Variants in RELN observed in about 807,000 individuals in gnomAD.
RELN encodes reelin.
A neutral mutation model predicts 427.6 loss-of-function variants in RELN; 108 were observed. The observed-to-expected ratio is 0.25, with a 90% CI of 0.22 to 0.30. RELN has a LOEUF of 0.30. Ranked by LOEUF, RELN falls within the 10% of genes least tolerant of loss-of-function variation. RELN has a pLI of 1.00. For missense variants in RELN, 3,715 were observed against 4,302.8 expected, an observed-to-expected ratio of 0.86 and a Z score of 3.82; for synonymous variants, 1,524 against 1,513.4, an observed-to-expected ratio of 1.01 and a Z score of -0.16.
chr7:103,878,125 G>C (rs769728789), intron 2 of RELN, among the ~76,000 whole-genome samples: 8 of 152,044 alleles, frequency 5.3e-5, no homozygotes, highest in Non-Finnish European at 7.4e-5. Flanking sequence ...CCAAAGTGCT[G>C]GGATTACAGG....
At chr7:103,636,131 T>G in intron 18 of RELN, 104 bp downstream of exon 18, 2 of 841,436 alleles carry the variant, frequency 2.4e-6, no homozygotes, top group Non-Finnish European at 4.0e-6. Context: ...TAGTTAAAAA[T>G]GAGATGTCTA....
At chr7:103,682,372 A>G in intron 10 of RELN, 111 bp from the exon 11 acceptor site, 3 of 1,078,028 alleles carry the variant, frequency 2.8e-6, no homozygotes, top group Non-Finnish European at 4.2e-6. Context: ...TAGCTCCTCT[A>G]TGATGGACTC....
Position 103,739,093 on chromosome 7 carries a change from T to C in RELN, c.656+10333A>G, listed in dbSNP as rs527825224. On this transcript the variant is annotated intron_variant, in intron 6 of 64. Coordinates refer to ENST00000428762, the MANE Select transcript of RELN (RefSeq NM_005045.4). The stretch of plus-strand genomic sequence containing the variant: ...TTAATAGTATTCAATTGTGTGCACA[T>C]ATCACTGTGGTGTATCCATCCTCCT... Among the ~76,000 whole-genome samples, 3 of 152,306 alleles carry C rather than the reference T, an allele frequency of 2.0e-5. No individual in the cohort carries two copies. In the East Asian group the frequency reaches 5.8e-4, roughly 29 times the overall value.
At position 103,959,040 on chromosome 7, in the gene RELN, C is replaced by A. The variant is rs1796493971; in HGVS notation, c.226+30091G>T. ...CACTGGAACCTCTGCCTTCCAGGTT[C>A]AAGGCGATTCTCCTGCCTCAGCCTC... is the stretch of plus-strand genomic sequence containing the variant. On this transcript the variant is annotated intron_variant, in intron 1 of 64. Transcript: ENST00000428762. 1.3e-5 allele frequency among the ~76,000 whole-genome samples: 2 copies of A among 152,178 alleles called. 1 individual carries two copies. The highest frequency in any genetic ancestry group is 4.1e-4 in the South Asian group (2 of 4,830).
At chr7:103,964,072 T>A (rs1419718209) in intron 1 of RELN, among the ~76,000 whole-genome samples, 3 of 152,020 alleles carry the variant, frequency 2.0e-5, no homozygotes, top group Non-Finnish European at 4.4e-5. Context: ...GGCAGGAGGA[T>A]CACTTGAGCA....
chr7:103,683,844 C>A (rs981730382), intron 10 of RELN, among the ~76,000 whole-genome samples: 2 of 152,126 alleles, frequency 1.3e-5, no homozygotes, highest in Non-Finnish European at 2.9e-5. Flanking sequence ...GCTAGATGTT[C>A]TCTATCTCTT....
chr7:103,617,505 T>C (rs1832108229), intron 20 of RELN, among the ~76,000 whole-genome samples: 1 of 151,942 alleles, frequency 6.6e-6, no homozygotes, highest in Non-Finnish European at 1.5e-5. Flanking sequence ...GGAATCTATA[T>C]ATATGTGTGT....
intron 34 of RELN, among the ~76,000 whole-genome samples, chr7:103,564,797 C>A (rs554442811): frequency 6.6e-6 from 1 of 152,154 alleles, no homozygotes; most frequent in South Asian, 2.1e-4. Flanking sequence ...AAAGTGGAAG[C>A]CTGCTGTAAG....
intron 3 of RELN, among the ~76,000 whole-genome samples, chr7:103,813,954 T>C (rs1050082595): frequency 6.6e-6 from 1 of 152,106 alleles, no homozygotes; most frequent in African/African-American, 2.4e-5. Context: ...CATTTCCATA[T>C]TCATGGACCC....
chr7:103,635,444 G>A lies in RELN; in HGVS notation c.2446C>T (p.Leu816Phe), dbSNP rs144653976. 578 of 1,613,770 alleles carry A rather than the reference G, an allele frequency of 3.6e-4. No homozygotes were observed. The highest frequency in any genetic ancestry group is 4.7e-4 in the Non-Finnish European group (552 of 1,179,890). Residue 816 changes from leucine to phenylalanine, a missense_variant, in exon 19 of 65, where the codon CTC (leucine) becomes TTC (phenylalanine). Around this residue, in one of 4 missense-constraint regions of RELN, gnomAD observed 2,208 missense variants for 2,361.7 expected, o/e 0.93. Transcript: ENST00000428762. Reference protein sequence around the residue: ...TWKLLEHYSYLSYHEPRIISV... With the variant: ...TWKLLEHYSYFSYHEPRIISV... ...ACATACCTGGGCTCATGATAGCTGA[G>A]ATATGAATAATGCTCCAGGAGTTTC...
chr7:103,829,698 C>T (rs560380689), intron 3 of RELN, among the ~76,000 whole-genome samples: 36 of 152,018 alleles, frequency 2.4e-4, no homozygotes, highest in African/African-American at 8.7e-4. Flanking sequence ...ACACAGGCAG[C>T]CCAAATGACT....
chr7:103,567,171 A>G (rs937916633), intron 31 of RELN, among the ~76,000 whole-genome samples: 7 of 152,234 alleles, frequency 4.6e-5, no homozygotes, highest in Non-Finnish European at 1.0e-4. Context: ...CTGCTGACGC[A>G]CTAGGCAGTA....
rs886061854 is a variant in RELN at position 103,472,915 on chromosome 7, A to C, written c.10287-7T>G. 5 of 1,609,010 alleles carry C rather than the reference A, an allele frequency of 3.1e-6. No individual in the cohort carries two copies. In the East Asian group the frequency reaches 1.1e-4, roughly 36 times the overall value. ...GTAATTTTGTTTGCGAGTGCTGTTA[A>C]AATCAAACAGGATAGAGGCAGGGAA... On this transcript the variant is annotated splice_polypyrimidine_tract_variant and splice_region_variant and intron_variant, in intron 64 of 64. Transcript: ENST00000428762.
Position 103,573,228 on chromosome 7 carries a change from A to G in RELN, c.4511+864T>C, listed in dbSNP as rs1490432210. ...AGTGCTGGCATTACAGGTGTGAGCT[A>G]CCGCATCCAGCCAAGATGAGGAAAA... On this transcript the variant is annotated intron_variant, in intron 30 of 64. Transcript: ENST00000428762. The surrounding 1 kb of genome is among the most constrained non-coding windows in gnomAD (Gnocchi z 4.4). 6.6e-6 allele frequency among the ~76,000 whole-genome samples: 1 copy of G among 152,242 alleles called. No homozygotes were observed. Among genetic ancestry groups the G allele is most frequent in the Non-Finnish European group, 1.5e-5 (1 of 68,040 alleles).
intron 22 of RELN, among the ~76,000 whole-genome samples, chr7:103,609,236 A>C (rs1831892065): frequency 6.6e-6 from 1 of 152,094 alleles, no homozygotes; most frequent in African/African-American, 2.4e-5. Flanking sequence ...AAAAAAAAAA[A>C]AAAAATACAC....
chr7:103,563,450 G>T lies in RELN; in HGVS notation c.5211-1497C>A, dbSNP rs989099214. ...AAAGCTTACAGAATAACGATAGAAA[G>T]AAAACATTTTTGTACAGCTGTACAA... On this transcript the variant is annotated intron_variant, in intron 34 of 64. Coordinates refer to ENST00000428762, the MANE Select transcript of RELN (RefSeq NM_005045.4). This position sits in a 1 kb window ranked among gnomAD's most constrained non-coding sequence, Gnocchi z 4.1. Among the ~76,000 whole-genome samples the T allele has an allele frequency of 1.3e-5, 2 of 152,112 alleles. No homozygotes were observed. Among genetic ancestry groups the T allele is most frequent in the African/African-American group, 4.8e-5 (2 of 41,430 alleles).
chr7:103,921,841 C>T (rs1001995703), intron 1 of RELN, among the ~76,000 whole-genome samples: 3 of 143,506 alleles, frequency 2.1e-5, no homozygotes, highest in Non-Finnish European at 4.4e-5. Flanking sequence ...CTGGCCTCTG[C>T]TCTTACCTAG....
chr7:103,838,650 G>A (rs1793474285), intron 2 of RELN, among the ~76,000 whole-genome samples: 1 of 152,166 alleles, frequency 6.6e-6, no homozygotes, highest in Middle Eastern at 3.2e-3. Context: ...AAGTCTGCAG[G>A]AGTCTGCCTG....
chr7:103,596,017 C>A (rs576952577), intron 25 of RELN, among the ~76,000 whole-genome samples: 2 of 152,284 alleles, frequency 1.3e-5, no homozygotes, highest in South Asian at 2.1e-4. Context: ...TATACACTTA[C>A]TCATACACTG....
Sources: allele counts gnomAD v4.1 joint callset (sites outside exome capture counted in the v4.1 genomes callset), GRCh38; gene constraint gnomAD v4.1.1; regional missense constraint gnomAD v4.1.1; non-coding constraint Gnocchi (gnomAD v3.1); transcripts MANE v1.5; gene names NCBI Gene and HGNC (gene_info 2026-07-23, HGNC 2026-07-21).